The following BMAL1 variants were observed in gnomAD, a reference collection of about 807,000 sequenced individuals.
The protein encoded by BMAL1 is basic helix-loop-helix ARNT like 1, also known as basic helix-loop-helix ARNT-like protein 1.
At chr11:13,278,455 C>T in the BMAL1 span, among the ~76,000 whole-genome samples, 4 of 152,230 alleles carry the variant, frequency 2.6e-5, no homozygotes, top group African/African-American at 9.6e-5. Flanking sequence ...TCTGCCCTTC[C>T]TCCCCGCTTC....
At chr11:13,297,448 G>C in the BMAL1 span, among the ~76,000 whole-genome samples, 1 of 152,182 alleles carries the variant, frequency 6.6e-6, no homozygotes, top group Non-Finnish European at 1.5e-5. Context: ...GCTGCCTGTG[G>C]GCCGGCAGTG....
the BMAL1 span, among the ~76,000 whole-genome samples, chr11:13,347,976 G>A: frequency 6.6e-6 from 1 of 152,198 alleles, no homozygotes; most frequent in African/African-American, 2.4e-5. Flanking sequence ...CACAGGAGAC[G>A]CCTATAAATA....
At chr11:13,318,544 GTTTTTT>G in the BMAL1 span, among the ~76,000 whole-genome samples, 4 of 49,320 alleles carry the variant, frequency 8.1e-5, no homozygotes, top group Non-Finnish European at 1.5e-4. Context: ...AAGACACTTA[GTTTTTT>G]TTTTTTTTTT....
the BMAL1 span, among the ~76,000 whole-genome samples, chr11:13,341,475 C>T: frequency 6.6e-6 from 1 of 152,200 alleles, no homozygotes; most frequent in African/African-American, 2.4e-5. Flanking sequence ...TGAGTCCAGC[C>T]CCTGCTGCCT....
chr11:13,364,607 G>A, the BMAL1 span, among the ~76,000 whole-genome samples: 3 of 152,130 alleles, frequency 2.0e-5, no homozygotes, highest in Non-Finnish European at 2.9e-5. Flanking sequence ...CCTTGTCACC[G>A]GAAGACCCCA....
chr11:13,376,602 G>C, the BMAL1 span: 1 of 1,603,082 alleles, frequency 6.2e-7, no homozygotes, highest in East Asian at 2.2e-5. Context: ...TTCTGAGCAG[G>C]CCTGACTCAC....
the BMAL1 span, among the ~76,000 whole-genome samples, chr11:13,340,761 C>A: frequency 2.0e-5 from 3 of 152,200 alleles, no homozygotes; most frequent in Admixed American, 6.5e-5. Context: ...AGGATTTCAA[C>A]CTGAGTTTGC....
At chr11:13,312,975 G>A in the BMAL1 span, among the ~76,000 whole-genome samples, 2 of 152,314 alleles carry the variant, frequency 1.3e-5, no homozygotes, top group South Asian at 2.1e-4. Context: ...CAGTGAGACC[G>A]GGGTGGAGAG....
the BMAL1 span, among the ~76,000 whole-genome samples, chr11:13,336,834 C>A: frequency 3.9e-5 from 6 of 152,146 alleles, no homozygotes; most frequent in African/African-American, 1.4e-4. Flanking sequence ...AGCTTTTGGT[C>A]CCTTAACACT....
At chr11:13,290,851 G>A in the BMAL1 span, among the ~76,000 whole-genome samples, 2 of 152,040 alleles carry the variant, frequency 1.3e-5, no homozygotes, top group African/African-American at 4.8e-5. Flanking sequence ...TCTTTTCCTG[G>A]TACCTGAAAA....
At chr11:13,278,238 G>T in the BMAL1 span, among the ~76,000 whole-genome samples, 5 of 152,246 alleles carry the variant, frequency 3.3e-5, no homozygotes, top group African/African-American at 1.2e-4. Flanking sequence ...GAAAGTGTTC[G>T]CTGGAGTACC....
the BMAL1 span, among the ~76,000 whole-genome samples, chr11:13,320,566 C>G: frequency 6.6e-6 from 1 of 152,144 alleles, no homozygotes. Context: ...TAATTCTTTC[C>G]CAGGGGTATT....
At chr11:13,326,201 TA>T in the BMAL1 span, among the ~76,000 whole-genome samples, 3,157 of 142,474 alleles carry the variant, frequency 0.022, 103 homozygotes, top group African/African-American at 0.075. Flanking sequence ...AGACTCTGTC[TA>T]AAAAAAAAAA....
chr11:13,378,085 T>C, the BMAL1 span, among the ~76,000 whole-genome samples: 3 of 152,216 alleles, frequency 2.0e-5, no homozygotes, highest in African/African-American at 7.2e-5. Context: ...AAACGTTTTT[T>C]TTCAGTGCAT....
At chr11:13,279,784 C>T in the BMAL1 span, among the ~76,000 whole-genome samples, 2,275 of 152,270 alleles carry the variant, frequency 0.015, 66 homozygotes, top group African/African-American at 0.051. Flanking sequence ...TCATCTGAAG[C>T]TGGTTCTGTA....
the BMAL1 span, among the ~76,000 whole-genome samples, chr11:13,282,813 T>C: frequency 1.3e-5 from 2 of 152,242 alleles, no homozygotes; most frequent in Non-Finnish European, 2.9e-5. Context: ...TTTTCCAAAA[T>C]GACAGGCACA....
chr11:13,374,134 A>T, the BMAL1 span: 8 of 1,613,936 alleles, frequency 5.0e-6, no homozygotes, highest in Non-Finnish European at 5.1e-6. Flanking sequence ...AAGAACTTCT[A>T]GGCACATCGT....
the BMAL1 span, among the ~76,000 whole-genome samples, chr11:13,322,778 CTTTTTTTT>C: frequency 4.0e-3 from 200 of 50,328 alleles, 1 homozygote; most frequent in African/African-American, 0.016. Context: ...GTGAGCAAGT[CTTTTTTTT>C]TTTTTTTTTT....
the BMAL1 span, among the ~76,000 whole-genome samples, chr11:13,324,063 C>T: frequency 3.9e-5 from 6 of 152,214 alleles, no homozygotes; most frequent in African/African-American, 1.4e-4. Context: ...ACAACTCTTA[C>T]TGTATGTCCT....
Sources: allele counts gnomAD v4.1 joint callset (sites outside exome capture counted in the v4.1 genomes callset), GRCh38; gene constraint gnomAD v4.1.1; transcripts MANE v1.5; gene names NCBI Gene and HGNC (gene_info 2026-07-23, HGNC 2026-07-21).